SGCD: variants seen among roughly 807,000 people sequenced by gnomAD.
The protein encoded by SGCD is sarcoglycan delta.
Under a neutral mutation model 36.6 loss-of-function variants are expected in SGCD, and 18 were observed. The observed-to-expected ratio is 0.49, with a 90% confidence interval of 0.34 to 0.73. SGCD has a LOEUF of 0.73. Ranked by LOEUF, SGCD falls within the 30% of genes least tolerant of loss-of-function variation. The pLI, the probability that SGCD is intolerant of heterozygous loss-of-function variation, is 0.01. For missense variants in SGCD, 387 were observed against 346.7 expected (o/e 1.12, Z -0.92); for synonymous variants, 133 against 130.6 (o/e 1.02, Z -0.12).
chr5:155,801,939 C>T, the SGCD span, among the ~76,000 whole-genome samples: 1 of 152,156 alleles, frequency 6.6e-6, no homozygotes, highest in East Asian at 1.9e-4. Flanking sequence ...GCATCTGTGT[C>T]ACCCATAACC....
chr5:155,730,493 GA>G, the SGCD span, among the ~76,000 whole-genome samples: 23 of 145,370 alleles, frequency 1.6e-4, no homozygotes, highest in African/African-American at 4.7e-4. Context: ...GAAATTGGGG[GA>G]AAGGGAGAGC....
intron 3 of SGCD, among the ~76,000 whole-genome samples, chr5:156,231,181 T>C (rs376118265): frequency 1.8e-4 from 28 of 152,332 alleles, no homozygotes; most frequent in Middle Eastern, 6.8e-3. Flanking sequence ...TAGCTTGCTT[T>C]CCTTTCTTGG....
chr5:156,607,672 G>T (rs1333621560), intron 6 of SGCD, among the ~76,000 whole-genome samples: 1 of 148,584 alleles, frequency 6.7e-6, no homozygotes, highest in Non-Finnish European at 1.5e-5. Context: ...AATCCATCTG[G>T]TCCTGGACTT....
At chr5:155,997,636 A>C (rs1342832240) in intron 1 of SGCD, among the ~76,000 whole-genome samples, 1 of 152,260 alleles carries the variant, frequency 6.6e-6, no homozygotes, top group Non-Finnish European at 1.5e-5. Context: ...CCAGCCCCAC[A>C]GGCAATTGTA....
intron 3 of SGCD, among the ~76,000 whole-genome samples, chr5:156,144,197 T>C (rs1483529233): frequency 6.6e-6 from 1 of 152,086 alleles, no homozygotes; most frequent in East Asian, 1.9e-4. Flanking sequence ...GCAATAAACA[T>C]ACGTGTCCAT....
At chr5:155,955,926 C>T (rs903435123) in intron 1 of SGCD, among the ~76,000 whole-genome samples, 11 of 151,962 alleles carry the variant, frequency 7.2e-5, no homozygotes, top group African/African-American at 1.9e-4. Context: ...AAAGTAAAAC[C>T]GTAGGGACTT....
rs534291218 is a variant in SGCD at position 156,316,700 on chromosome 5, T to C, written c.-43-12834T>C. Among the ~76,000 whole-genome samples the C allele has an allele frequency of 2.6e-5, 4 of 152,142 alleles. No individual in the cohort carries two copies. In the South Asian group the frequency reaches 8.3e-4, roughly 32 times the overall value. On this transcript the variant is annotated intron_variant, in intron 3 of 9. Transcript: ENST00000517913. ...TTTTAACAAAGATGCCAAGATTACA[T>C]AATGGAGAAAGGATAGTCTCTTCAA...
At chr5:156,120,298 C>A (rs1762007112) in intron 2 of SGCD, among the ~76,000 whole-genome samples, 1 of 151,864 alleles carries the variant, frequency 6.6e-6, no homozygotes, top group African/African-American at 2.4e-5. Context: ...GTGTTGTTCC[C>A]AAGAAAACCA....
chr5:156,308,980 C>T (rs75022427), intron 3 of SGCD, among the ~76,000 whole-genome samples: 2,376 of 152,024 alleles, frequency 0.016, 48 homozygotes, highest in African/African-American at 0.049. Flanking sequence ...TGAATGTATC[C>T]GCCCACTAAC....
chr5:155,785,997 G>A, the SGCD span, among the ~76,000 whole-genome samples: 1 of 152,170 alleles, frequency 6.6e-6, no homozygotes, highest in Non-Finnish European at 1.5e-5. Flanking sequence ...GTTGGGGTAT[G>A]TGAAAGCAAT....
intron 1 of SGCD, among the ~76,000 whole-genome samples, chr5:155,876,968 C>T (rs1755779978): frequency 6.6e-6 from 1 of 152,020 alleles, no homozygotes; most frequent in African/African-American, 2.4e-5. Context: ...TTTTTATGCC[C>T]ACTATATCCT....
chr5:156,755,847 G>A (rs146937353), intron 7 of SGCD, among the ~76,000 whole-genome samples: 15 of 152,256 alleles, frequency 9.9e-5, no homozygotes, highest in South Asian at 2.1e-4. Flanking sequence ...TGTAGGGGGG[G>A]ACAATTCAAG....
intron 1 of SGCD, among the ~76,000 whole-genome samples, chr5:156,079,241 G>C (rs541562024): frequency 6.6e-6 from 1 of 152,012 alleles, no homozygotes; most frequent in African/African-American, 2.4e-5. Context: ...ACTGAGCCAC[G>C]AGGGATCTGC....
At chr5:156,117,533 A>T (rs749143171) in intron 1 of SGCD, among the ~76,000 whole-genome samples, 6 of 152,188 alleles carry the variant, frequency 3.9e-5, no homozygotes, top group Non-Finnish European at 7.3e-5. Context: ...CAAAAATTAA[A>T]TCCCAAAAAT....
intron 6 of SGCD, among the ~76,000 whole-genome samples, chr5:156,622,903 G>T (rs752345154): frequency 3.7e-4 from 57 of 152,102 alleles, no homozygotes; most frequent in Admixed American, 1.8e-3. Flanking sequence ...CAGCTTCAGG[G>T]GAGAATGACG....
chr5:155,804,598 A>G, the SGCD span, among the ~76,000 whole-genome samples: 1 of 152,206 alleles, frequency 6.6e-6, no homozygotes, highest in Admixed American at 6.5e-5. Context: ...CAACCATCAC[A>G]TGGCCTCAAA....
At chr5:155,788,375 C>G in the SGCD span, among the ~76,000 whole-genome samples, 1 of 152,048 alleles carries the variant, frequency 6.6e-6, no homozygotes, top group South Asian at 2.1e-4. Context: ...GAATGTAAAT[C>G]TTTTTAGTCT....
the SGCD span, among the ~76,000 whole-genome samples, chr5:155,728,868 C>T: frequency 1.1e-3 from 172 of 152,336 alleles, no homozygotes; most frequent in African/African-American, 3.7e-3. Context: ...CTCAGCTGCC[C>T]GGCTTGGAGT....
chr5:155,819,465 A>G, the SGCD span, among the ~76,000 whole-genome samples: 1 of 152,216 alleles, frequency 6.6e-6, no homozygotes, highest in African/African-American at 2.4e-5. Flanking sequence ...GGAATACTTA[A>G]TAATGGTAAT....
Sources: gnomAD v4.1 joint callset for allele counts (sites outside exome capture counted in the v4.1 genomes callset) on GRCh38, gnomAD v4.1.1 for gene constraint, MANE v1.5 for transcripts, NCBI Gene and HGNC (gene_info 2026-07-23, HGNC 2026-07-21) for gene names.